Variants in TNS3 observed in about 807,000 individuals in gnomAD.
TNS3 encodes tensin-3.
A neutral mutation model predicts 140.9 loss-of-function variants in TNS3; 45 were observed. The ratio of observed to expected loss-of-function variants is 0.32; its 90% CI spans 0.25 to 0.41. The LOEUF (loss-of-function observed/expected upper bound fraction) is 0.41. Among genes scored for constraint, TNS3 ranks in the 10% least tolerant of loss-of-function variants. The probability of loss-of-function intolerance (pLI) is 1.00; values close to 1 mark genes in which losing one functional copy is unlikely to be tolerated. For missense variants in TNS3, 1,716 were observed against 1,906.7 expected (o/e 0.90, Z 1.86); for synonymous variants, 815 against 788.4 (o/e 1.03, Z -0.56).
At chr7:47,458,115 T>C (rs2151672590) in intron 4 of TNS3, among the ~76,000 whole-genome samples, 1 of 152,260 alleles carries the variant, frequency 6.6e-6, no homozygotes, top group South Asian at 2.1e-4. Context: ...CACAGAAACA[T>C]GGGTGATCTT....
Position 47,466,730 on chromosome 7 carries a change from G to C in TNS3, c.-76+14373C>G, listed in dbSNP as rs184381481. Among the ~76,000 whole-genome samples, 125 of 152,288 alleles carry C rather than the reference G, an allele frequency of 8.2e-4. 1 individual carries two copies. The highest frequency in any genetic ancestry group is 2.6e-3 in the African/African-American group (110 of 41,544). ...ATGGTCTAACTCCCCTTTTGTGATA[G>C]TGCAGGTTACAGAGGACCAGAGCCT... On this transcript the variant is annotated intron_variant, in intron 4 of 30. Transcript: ENST00000311160.
chr7:47,521,488 C>A (rs550333851), intron 2 of TNS3, among the ~76,000 whole-genome samples: 1 of 152,184 alleles, frequency 6.6e-6, no homozygotes, highest in African/African-American at 2.4e-5. Context: ...ACAGAGCCAG[C>A]CCCTCATGCC....
intron 3 of TNS3, among the ~76,000 whole-genome samples, chr7:47,499,747 C>T (rs919071230): frequency 3.9e-5 from 6 of 152,064 alleles, no homozygotes; most frequent in Admixed American, 2.0e-4. Context: ...TCTAGGGCAG[C>T]GAAACTACTC....
At chr7:47,493,305 G>A (rs766356262) in intron 3 of TNS3, among the ~76,000 whole-genome samples, 13 of 152,098 alleles carry the variant, frequency 8.5e-5, no homozygotes, top group African/African-American at 2.7e-4. Context: ...ATCACACTTC[G>A]GGGCACTCGG....
At chr7:47,281,445 G>A (rs780547794) in intron 28 of TNS3, among the ~76,000 whole-genome samples, 3 of 152,202 alleles carry the variant, frequency 2.0e-5, no homozygotes, top group Admixed American at 6.5e-5. Context: ...ACTCTGCACC[G>A]GCACAGAGTA....
At chr7:47,283,341 C>CCTCTGTTAA (rs1428504551) in intron 28 of TNS3, among the ~76,000 whole-genome samples, 2 of 152,194 alleles carry the variant, frequency 1.3e-5, no homozygotes, top group African/African-American at 4.8e-5. Context: ...CAATAGGTTC[C>CCTCTGTTAA]AAGATCATTG....
chr7:47,389,080 A>AAGAG (rs1792309452), intron 16 of TNS3, among the ~76,000 whole-genome samples: 4 of 65,830 alleles, frequency 6.1e-5, no homozygotes, highest in South Asian at 6.4e-4. Flanking sequence ...AAGAAGAAGA[A>AAGAG]GAAGAGGAAG....
chr7:47,373,373 C>T (rs188559482), intron 16 of TNS3, among the ~76,000 whole-genome samples: 74 of 152,294 alleles, frequency 4.9e-4, no homozygotes, highest in African/African-American at 1.4e-3. Flanking sequence ...GTTATGAGAA[C>T]TAGAGAATAT....
chr7:47,458,406 A>C (rs997875075), intron 4 of TNS3, among the ~76,000 whole-genome samples: 4 of 152,262 alleles, frequency 2.6e-5, no homozygotes, highest in Non-Finnish European at 5.9e-5. Context: ...GAAGTGCCTC[A>C]TGAGTCAGTG....
chr7:47,391,132 C>A (rs945471464), intron 16 of TNS3, among the ~76,000 whole-genome samples: 1 of 152,222 alleles, frequency 6.6e-6, no homozygotes, highest in Non-Finnish European at 1.5e-5. Flanking sequence ...TGCTGCTCGC[C>A]TATGCCCCAT....
At chr7:47,456,707 G>A (rs1477841461) in intron 4 of TNS3, among the ~76,000 whole-genome samples, 1 of 152,052 alleles carries the variant, frequency 6.6e-6, no homozygotes, top group East Asian at 1.9e-4. Context: ...GGACCAGCAC[G>A]TATAGGTGCA....
At position 47,277,788 on chromosome 7, in the gene TNS3, C is replaced by T. The variant is rs1235659709; in HGVS notation, c.*288G>A. On this transcript the variant is annotated 3_prime_UTR_variant, in exon 31 of 31. Coordinates refer to ENST00000311160, the MANE Select transcript of TNS3 (RefSeq NM_022748.12). ...TGTTCTGTGCTGTTTCCTTGCATGTCCCTTTCCCATGGGGACCCTAGGGGG... is the reference window on the plus strand; with the variant it reads ...TGTTCTGTGCTGTTTCCTTGCATGTTCCTTTCCCATGGGGACCCTAGGGGG... 1 of 471,938 alleles carries T rather than the reference C, an allele frequency of 2.1e-6. No homozygotes were observed. The highest frequency in any genetic ancestry group is 4.3e-5 in the East Asian group (1 of 23,302). 29.2% of individuals were successfully genotyped at this position (471,938 alleles called of 1,614,324 possible).
rs537402397 is a variant in TNS3 at position 47,528,829 on chromosome 7, T to C, written c.-153+207A>G. On this transcript the variant is annotated intron_variant, in intron 2 of 30. Coordinates refer to ENST00000311160, the MANE Select transcript of TNS3 (RefSeq NM_022748.12). ...TCTCCCATCGGGAAACTCTGCTCTT[T>C]CTGTAAAAATGTCCTCATGAGCACT... Among the ~76,000 whole-genome samples, 5 of 152,342 alleles carry C rather than the reference T, an allele frequency of 3.3e-5. No homozygotes were observed. The South Asian group carries it at 8.3e-4, about 25-fold the overall frequency.
chr7:47,400,925 G>T lies in TNS3; in HGVS notation c.724-11C>A. 6.2e-7 allele frequency: 1 copy of T among 1,614,048 alleles called. No individual in the cohort carries two copies. Among genetic ancestry groups the T allele is most frequent in the Non-Finnish European group, 8.5e-7 (1 of 1,179,910 alleles). On this transcript the variant is annotated splice_polypyrimidine_tract_variant and intron_variant, in intron 13 of 30. Transcript: ENST00000311160. ...GTGGTAGCATTTCACCTGGGTTAGA[G>T]AGACAAAACAAAACAAAGTAGCTGC...
chr7:47,557,017 G>A (rs997316742), intron 1 of TNS3: 23 of 456,300 alleles, frequency 5.0e-5, no homozygotes, highest in South Asian at 9.3e-5. Flanking sequence ...CAGCGGGGGC[G>A]GGGAGCAACA....
intron 1 of TNS3, among the ~76,000 whole-genome samples, chr7:47,555,615 G>A (rs1800175807): frequency 6.6e-6 from 1 of 152,196 alleles, no homozygotes. Context: ...AATTGCCACA[G>A]CCACCCCAAC....
At position 47,303,578 on chromosome 7, in the gene TNS3, A is replaced by G; in HGVS notation, c.2829T>C (p.Ser943=). The change falls in exon 22 of 31, where the codon TCT becomes TCC. Residue 943 remains serine, a synonymous_variant. Transcript: ENST00000311160. Reference sequence around the variant, plus strand: ...TCTCCACCCACTGGCGTTCTGCAGAAGAGGAGCTGTTCAAAAGACAAGCCG... The same window carrying G: ...TCTCCACCCACTGGCGTTCTGCAGAGGAGGAGCTGTTCAAAAGACAAGCCG... ...NGPGQRRESS[S]SAERQWVESS... 6.3e-7 allele frequency: 1 copy of G among 1,591,236 alleles called. No individual in the cohort carries two copies. Among genetic ancestry groups the G allele is most frequent in the Non-Finnish European group, 8.5e-7 (1 of 1,174,262 alleles).
intron 10 of TNS3, among the ~76,000 whole-genome samples, chr7:47,415,418 G>T (rs1431178689): frequency 6.6e-6 from 1 of 152,166 alleles, no homozygotes; most frequent in Non-Finnish European, 1.5e-5. Context: ...AGACACCAAG[G>T]CACAACCGGC....
chr7:47,278,344 G>A lies in TNS3; in HGVS notation c.4194-124C>T, dbSNP rs974737419. On this transcript the variant is annotated intron_variant, in intron 30 of 30. Coordinates refer to ENST00000311160, the MANE Select transcript of TNS3 (RefSeq NM_022748.12). ...GTGGCACCTATCAAAAATCAACCAC[G>A]TGCCCAGCACCCTGCTGGCCACCTG... is the stretch of plus-strand genomic sequence containing the variant. 8 of 1,145,072 alleles carry A rather than the reference G, an allele frequency of 7.0e-6. No homozygotes were observed. In the African/African-American group the frequency reaches 9.3e-5, roughly 13 times the overall value. 70.9% of individuals were successfully genotyped at this position (1,145,072 alleles called of 1,614,324 possible).
Sources: gnomAD v4.1 joint callset for allele counts (sites outside exome capture counted in the v4.1 genomes callset) on GRCh38, gnomAD v4.1.1 for gene constraint, MANE v1.5 for transcripts, NCBI Gene and HGNC (gene_info 2026-07-23, HGNC 2026-07-21) for gene names.